Variants in LIMS1 observed in about 807,000 individuals in gnomAD.
LIMS1 encodes LIM zinc finger domain containing 1, also known as LIM and senescent cell antigen-like-containing domain protein 1.
A neutral mutation model predicts 44.1 loss-of-function variants in LIMS1; 18 were observed. That is an observed-to-expected ratio of 0.41 (90% CI 0.28 to 0.61). The LOEUF is 0.61. Among genes scored for constraint, LIMS1 ranks in the 20% least tolerant of loss-of-function variants. The pLI, the probability that LIMS1 is intolerant of heterozygous loss-of-function variation, is 0.32. For synonymous variants in LIMS1, 93 were observed against 149.1 expected (o/e 0.62, Z 2.74); for missense variants, 201 against 422.0 (o/e 0.48, Z 4.59).
chr2:108,667,199 G>C (rs1266665422), intron 2 of LIMS1, among the ~76,000 whole-genome samples: 5 of 152,114 alleles, frequency 3.3e-5, no homozygotes, highest in African/African-American at 4.8e-5. Context: ...CATATACAAA[G>C]ACATCACTTT....
intron 1 of LIMS1, among the ~76,000 whole-genome samples, chr2:108,630,730 C>T (rs1260728522): frequency 6.6e-6 from 1 of 152,120 alleles, no homozygotes; most frequent in Admixed American, 6.5e-5. Context: ...TGTCAGCTAC[C>T]TGTGTGTCTG....
chr2:108,585,150 CAAAAAAAA>C (rs35679577), intron 1 of LIMS1, among the ~76,000 whole-genome samples: 1 of 69,366 alleles, frequency 1.4e-5, no homozygotes, highest in East Asian at 6.2e-4. Context: ...GACTCCGTCT[CAAAAAAAA>C]AAAAAAAAAA....
chr2:108,637,974 G>A (rs1229637640), intron 1 of LIMS1, among the ~76,000 whole-genome samples: 1 of 151,624 alleles, frequency 6.6e-6, no homozygotes, highest in Non-Finnish European at 1.5e-5. Flanking sequence ...TCCTACCTCA[G>A]CCTCCTTAGT....
intron 1 of LIMS1, chr2:108,607,203 T>C (rs1298876827): frequency 6.4e-7 from 1 of 1,550,792 alleles, no homozygotes; most frequent in Non-Finnish European, 8.7e-7. Context: ...ATGGAGAGCT[T>C]AGCTTGGACA....
intron 1 of LIMS1, among the ~76,000 whole-genome samples, chr2:108,578,130 C>G (rs112480167): frequency 2.6e-5 from 4 of 152,124 alleles, no homozygotes; most frequent in Non-Finnish European, 5.9e-5. Context: ...AGGCTGGTCT[C>G]GAACTCCTGA....
intron 1 of LIMS1, among the ~76,000 whole-genome samples, chr2:108,538,636 T>C (rs1228939197): frequency 1.3e-5 from 2 of 152,226 alleles, no homozygotes; most frequent in Middle Eastern, 3.2e-3. Context: ...ACACATACTT[T>C]CCCTTTCTAC....
At chr2:108,678,208 G>T (rs1379875390) in intron 8 of LIMS1, among the ~76,000 whole-genome samples, 181 bp downstream of exon 8, 1 of 152,202 alleles carries the variant, frequency 6.6e-6, no homozygotes, top group Non-Finnish European at 1.5e-5. Context: ...CAAAGAGTTG[G>T]ATTTGTTACT....
chr2:108,666,084 C>T (rs1222352066), intron 2 of LIMS1, among the ~76,000 whole-genome samples: 6 of 151,758 alleles, frequency 4.0e-5, no homozygotes, highest in South Asian at 2.1e-4. Flanking sequence ...ACCAGCTGGG[C>T]GTTCTCCAAT....
chr2:108,592,408 G>A (rs551664262), intron 1 of LIMS1, among the ~76,000 whole-genome samples: 292 of 152,160 alleles, frequency 1.9e-3, no homozygotes, highest in Middle Eastern at 3.4e-3. Flanking sequence ...AGCCCAGATG[G>A]GACATATAAT....
chr2:108,535,180 C>A (rs764375776), intron 1 of LIMS1, among the ~76,000 whole-genome samples: 9 of 152,240 alleles, frequency 5.9e-5, no homozygotes, highest in Non-Finnish European at 1.3e-4. Flanking sequence ...ACTACGTTCT[C>A]CCATCTCCTT....
chr2:108,681,260 T>C, intron 9 of LIMS1: 2 of 1,243,086 alleles, frequency 1.6e-6, no homozygotes, highest in South Asian at 7.9e-5. Context: ...GAGATTGAAA[T>C]ACAAGTATTT....
At position 108,628,916 on chromosome 2, in the gene LIMS1, G is replaced by A. The variant is rs947721089; in HGVS notation, c.33-30689G>A. 2.0e-5 allele frequency among the ~76,000 whole-genome samples: 3 copies of A among 152,244 alleles called. No homozygotes were observed. The East Asian group carries it at 5.8e-4, about 29-fold the overall frequency. ...GCTAAAGTGATCCTCAGCCTTCCGA[G>A]TAGCTGAGACTGCATTGAAATATTT... On this transcript the variant is annotated intron_variant, in intron 1 of 9. Transcript: ENST00000544547.
At chr2:108,641,899 A>G (rs1009462236) in intron 1 of LIMS1, among the ~76,000 whole-genome samples, 2 of 152,224 alleles carry the variant, frequency 1.3e-5, no homozygotes, top group African/African-American at 4.8e-5. Context: ...GGAACTTCCC[A>G]GTTTCATTAT....
chr2:108,552,259 T>C (rs1299321884), intron 1 of LIMS1, among the ~76,000 whole-genome samples: 6 of 140,770 alleles, frequency 4.3e-5, no homozygotes, highest in African/African-American at 1.0e-4. Flanking sequence ...CTATATATAC[T>C]ACACGTATAG....
intron 1 of LIMS1, among the ~76,000 whole-genome samples, chr2:108,594,900 G>T (rs1463199042): frequency 2.6e-5 from 4 of 151,986 alleles, no homozygotes; most frequent in Non-Finnish European, 5.9e-5. Flanking sequence ...TAAAAAAAAG[G>T]TAGACAGACT....
At chr2:108,548,489 G>C (rs1321231100) in intron 1 of LIMS1, among the ~76,000 whole-genome samples, 3 of 152,172 alleles carry the variant, frequency 2.0e-5, no homozygotes, top group Non-Finnish European at 4.4e-5. Context: ...TTAGACCTGA[G>C]TTTTCCAGTA....
upstream of LIMS1, chr2:108,533,953 C>T (rs1477340379): frequency 6.5e-6 from 1 of 153,006 alleles, no homozygotes; most frequent in Non-Finnish European, 1.5e-5. Flanking sequence ...CCTCAGGCGT[C>T]CTCGCCAGGA....
At chr2:108,612,859 C>T (rs1573448781) in intron 1 of LIMS1, among the ~76,000 whole-genome samples, 2 of 152,280 alleles carry the variant, frequency 1.3e-5, no homozygotes, top group East Asian at 3.9e-4. Context: ...GCCTGTCATG[C>T]ACCCAGTTTC....
intron 1 of LIMS1, among the ~76,000 whole-genome samples, chr2:108,590,695 G>C (rs1171892384): frequency 1.3e-5 from 2 of 152,210 alleles, no homozygotes; most frequent in African/African-American, 4.8e-5. Context: ...GTTGGCAACA[G>C]CTCGAGCAAA....
Sources: allele counts gnomAD v4.1 joint callset (sites outside exome capture counted in the v4.1 genomes callset), GRCh38; gene constraint gnomAD v4.1.1; transcripts MANE v1.5; gene names NCBI Gene and HGNC (gene_info 2026-07-23, HGNC 2026-07-21).